Variants in CFAP20DC observed in about 807,000 individuals in gnomAD.
CFAP20DC encodes the protein protein CFAP20DC.
Under a neutral mutation model 101.7 loss-of-function variants are expected in CFAP20DC, and 84 were observed. That is an observed-to-expected ratio of 0.83 (90% CI 0.69 to 0.99). The LOEUF (loss-of-function observed/expected upper bound fraction) is 0.99. Among genes scored for constraint, CFAP20DC ranks in the 50% least tolerant of loss-of-function variants. The pLI is 0.00. For missense variants in CFAP20DC, 1,007 were observed against 970.3 expected (o/e 1.04, Z -0.50); for synonymous variants, 359 against 351.2 (o/e 1.02, Z -0.25).
intron 15 of CFAP20DC, among the ~76,000 whole-genome samples, chr3:58,791,476 C>T (rs576571069): frequency 4.0e-4 from 61 of 152,090 alleles, no homozygotes; most frequent in African/African-American, 1.4e-3. Flanking sequence ...TGCATTATAC[C>T]ACCTCATGAA....
intron 5 of CFAP20DC, among the ~76,000 whole-genome samples, chr3:58,920,803 T>C (rs1395162007): frequency 6.6e-6 from 1 of 152,222 alleles, no homozygotes; most frequent in Admixed American, 6.5e-5. Flanking sequence ...ACTGGCCTGA[T>C]GTATAAGTTG....
Position 58,869,450 on chromosome 3 carries a change from T to G in CFAP20DC, c.893A>C (p.Gln298Pro). The G allele has an allele frequency of 3.1e-6, 5 of 1,613,196 alleles. No homozygotes were observed. The highest frequency in any genetic ancestry group is 4.2e-6 in the Non-Finnish European group (5 of 1,179,592). The change falls in exon 9 of 17, where the codon CAG becomes CCG. Residue 298 changes from glutamine (Q) to proline (P), a missense_variant. Gln to Pro is a moderately conservative substitution (Grantham distance 76). Transcript: ENST00000482387. The surrounding 1 kb of genome is among the most constrained non-coding windows in gnomAD (Gnocchi z 4.3). ...SVGSKNNRSC[Q>P]PSTVEKCVNG... is the part of the protein sequence containing the mutation. ...AACACACTTCTCTACAGTGGACGGC[T>G]GGCATGATCGGTTATTTTTGGACCC...
At chr3:58,744,152 C>T (rs2068039258) in intron 16 of CFAP20DC, among the ~76,000 whole-genome samples, 1 of 152,142 alleles carries the variant, frequency 6.6e-6, no homozygotes. Context: ...TTAGAAAGCT[C>T]TTTCTCATGT....
At chr3:58,759,979 G>C (rs1265737876) in intron 15 of CFAP20DC, among the ~76,000 whole-genome samples, 1 of 152,148 alleles carries the variant, frequency 6.6e-6, no homozygotes, top group Non-Finnish European at 1.5e-5. Flanking sequence ...GATGCCTCCA[G>C]CTTTGTTCTT....
chr3:58,929,894 T>C (rs549408682), intron 5 of CFAP20DC, among the ~76,000 whole-genome samples: 5 of 152,182 alleles, frequency 3.3e-5, no homozygotes, highest in Non-Finnish European at 7.3e-5. Context: ...ATATCAACTG[T>C]TCTCCCTTGT....
chr3:58,799,769 A>G lies in CFAP20DC; in HGVS notation c.2237+6626T>C, dbSNP rs1051449553. ...TGTGTGTGTGTGTGTGTGTGTGTGTAGAAAACAGACAAACAAGGAAACATC... is the reference window on the plus strand; with the variant it reads ...TGTGTGTGTGTGTGTGTGTGTGTGTGGAAAACAGACAAACAAGGAAACATC... On this transcript the variant is annotated intron_variant, in intron 15 of 16. Transcript: ENST00000482387. This position sits in a 1 kb window ranked among gnomAD's most constrained non-coding sequence, Gnocchi z 4.9. 1.1e-4 allele frequency among the ~76,000 whole-genome samples: 16 copies of G among 141,544 alleles called. No individual in the cohort carries two copies. The highest frequency in any genetic ancestry group is 3.3e-4 in the African/African-American group (12 of 36,352). 92.9% of individuals were successfully genotyped at this position (141,544 alleles called of 152,430 possible). A position where few individuals can be genotyped will look rare whatever the true frequency, so the allele number is the denominator to read the frequency against.
chr3:58,856,008 GA>G (rs2078766864), intron 12 of CFAP20DC, among the ~76,000 whole-genome samples: 2 of 149,316 alleles, frequency 1.3e-5, no homozygotes, highest in East Asian at 2.0e-4. Context: ...AAAAAAGAAA[GA>G]AAAAAAGGAA....
chr3:58,806,678 A>C (rs2074089200), intron 14 of CFAP20DC, among the ~76,000 whole-genome samples: 2 of 152,186 alleles, frequency 1.3e-5, no homozygotes, highest in South Asian at 4.1e-4. Context: ...CACCTGAGGT[A>C]CCGGGTTCAT....
chr3:58,801,446 G>A (rs1176440083), intron 15 of CFAP20DC, among the ~76,000 whole-genome samples: 2 of 152,130 alleles, frequency 1.3e-5, no homozygotes, highest in East Asian at 3.8e-4. Context: ...AGGACTATTT[G>A]TTAAAAATTC....
intron 6 of CFAP20DC, among the ~76,000 whole-genome samples, chr3:58,885,537 T>C (rs1372415001): frequency 6.6e-6 from 1 of 151,868 alleles, no homozygotes; most frequent in South Asian, 2.1e-4. Flanking sequence ...TTGTTAACTA[T>C]AGTCCTCTTA....
Position 59,022,205 on chromosome 3 carries a change from T to G in CFAP20DC, c.278+17352A>C, listed in dbSNP as rs530960191. On this transcript the variant is annotated intron_variant, in intron 4 of 16. Coordinates refer to ENST00000482387, the MANE Select transcript of CFAP20DC (RefSeq NM_001394063.1). Reference sequence around the variant, plus strand: ...AATCATAATTACATGTTCACCTTTTTGCAACTCAAGCACTAAAAGGCAGCA... The same window carrying G: ...AATCATAATTACATGTTCACCTTTTGGCAACTCAAGCACTAAAAGGCAGCA... 2.0e-5 allele frequency among the ~76,000 whole-genome samples: 3 copies of G among 152,174 alleles called. No individual in the cohort carries two copies. In the South Asian group the frequency reaches 6.2e-4, roughly 32 times the overall value.
chr3:58,762,612 G>T (rs1444432183), intron 15 of CFAP20DC, among the ~76,000 whole-genome samples: 2 of 152,200 alleles, frequency 1.3e-5, no homozygotes, highest in Non-Finnish European at 2.9e-5. Flanking sequence ...CTCGTTAGTT[G>T]ATGCAGTTTC....
chr3:58,959,762 G>A (rs974228404), intron 4 of CFAP20DC, among the ~76,000 whole-genome samples: 1 of 152,054 alleles, frequency 6.6e-6, no homozygotes, highest in African/African-American at 2.4e-5. Context: ...ATAAATTTTA[G>A]AATCAGCTCA....
chr3:58,989,767 C>T (rs986750958), intron 4 of CFAP20DC, among the ~76,000 whole-genome samples: 13 of 151,974 alleles, frequency 8.6e-5, no homozygotes, highest in South Asian at 2.1e-4. Context: ...GATATTCTGA[C>T]GAAGAAAATT....
At chr3:58,987,777 G>C (rs892165726) in intron 4 of CFAP20DC, among the ~76,000 whole-genome samples, 1 of 151,548 alleles carries the variant, frequency 6.6e-6, no homozygotes, top group Non-Finnish European at 1.5e-5. Context: ...ATTGACAAGA[G>C]AAAAAAATAG....
chr3:58,955,949 G>T (rs2090584659), intron 4 of CFAP20DC, among the ~76,000 whole-genome samples: 1 of 151,354 alleles, frequency 6.6e-6, no homozygotes, highest in Non-Finnish European at 1.5e-5. Context: ...GGCCAGAAGG[G>T]AACCCACTGC....
Position 58,799,515 on chromosome 3 carries a change from G to A in CFAP20DC, c.2237+6880C>T, listed in dbSNP as rs1443363404. Among the ~76,000 whole-genome samples, 1 of 152,158 alleles carries A rather than the reference G, an allele frequency of 6.6e-6. No individual in the cohort carries two copies. The highest frequency in any genetic ancestry group is 2.4e-5 in the African/African-American group (1 of 41,434). ...AGTGACGTAGCTAGTGTAGAGAGAT[G>A]AGGGAAGTTCATTTTTAAGTGGTGA... is the stretch of plus-strand genomic sequence containing the variant. On this transcript the variant is annotated intron_variant, in intron 15 of 16. Transcript: ENST00000482387. The surrounding 1 kb of genome is among the most constrained non-coding windows in gnomAD (Gnocchi z 4.9).
chr3:58,747,345 G>A (rs1489339150), intron 16 of CFAP20DC, among the ~76,000 whole-genome samples: 1 of 152,076 alleles, frequency 6.6e-6, no homozygotes, highest in Non-Finnish European at 1.5e-5. Flanking sequence ...ATCAGCTCGG[G>A]TAAATAATCC....
chr3:58,822,957 A>T lies in CFAP20DC; in HGVS notation c.2175+8729T>A, dbSNP rs543003259. 2.0e-5 allele frequency among the ~76,000 whole-genome samples: 3 copies of T among 152,294 alleles called. No homozygotes were observed. In the East Asian group the frequency reaches 5.8e-4, roughly 29 times the overall value. ...GAAAGGAACATCCTTATCTCTGAAG[A>T]CACAGGGACACAGAGAAGAATCTGA... On this transcript the variant is annotated intron_variant, in intron 14 of 16. Coordinates refer to ENST00000482387, the MANE Select transcript of CFAP20DC (RefSeq NM_001394063.1).
Sources: gnomAD v4.1 joint callset for allele counts (sites outside exome capture counted in the v4.1 genomes callset) on GRCh38, gnomAD v4.1.1 for gene constraint, Gnocchi (gnomAD v3.1) non-coding constraint, MANE v1.5 for transcripts, NCBI Gene and HGNC (gene_info 2026-07-23, HGNC 2026-07-21) for gene names.